Variants in NRXN1 observed in about 807,000 individuals in gnomAD.
NRXN1 encodes the protein neurexin-1.
Under a neutral mutation model 150.9 loss-of-function variants are expected in NRXN1, and 39 were observed. That is an observed-to-expected ratio of 0.26 (90% CI 0.20 to 0.34). NRXN1 has a LOEUF of 0.34. Ranked by LOEUF, NRXN1 falls within the 10% of genes least tolerant of loss-of-function variation. NRXN1 has a pLI of 1.00. For synonymous variants in NRXN1, 924 were observed against 757.0 expected (o/e 1.22, Z -3.62); for missense variants, 1,815 against 1,949.9 (o/e 0.93, Z 1.30).
chr2:50,086,610 CT>C (rs1558847663), intron 19 of NRXN1, among the ~76,000 whole-genome samples: 2 of 152,144 alleles, frequency 1.3e-5, no homozygotes, highest in African/African-American at 4.8e-5. Flanking sequence ...TACATTTTAT[CT>C]GACATGTTCA....
chr2:50,757,197 T>A (rs1427433155), intron 5 of NRXN1, among the ~76,000 whole-genome samples: 1 of 151,794 alleles, frequency 6.6e-6, no homozygotes, highest in Non-Finnish European at 1.5e-5. Context: ...AATTATAGAA[T>A]CTTCAGTCCA....
chr2:49,962,824 G>A (rs1246258645), intron 21 of NRXN1, among the ~76,000 whole-genome samples: 1 of 152,020 alleles, frequency 6.6e-6, no homozygotes. Flanking sequence ...GTGGTGGCAT[G>A]CACCTGTAGT....
At chr2:50,841,834 T>C (rs766356889) in intron 5 of NRXN1, among the ~76,000 whole-genome samples, 36 of 152,204 alleles carry the variant, frequency 2.4e-4, no homozygotes, top group African/African-American at 7.2e-4. Flanking sequence ...TACATAACTA[T>C]TTACTAGCCC....
chr2:50,818,113 G>T (rs1574582580), intron 5 of NRXN1, among the ~76,000 whole-genome samples: 1 of 44,580 alleles, frequency 2.2e-5, no homozygotes, highest in Non-Finnish European at 4.2e-5. Context: ...AGACTCCATA[G>T]CAAAAAAAAA....
chr2:50,176,380 G>A (rs184199302), intron 18 of NRXN1, among the ~76,000 whole-genome samples: 1 of 152,156 alleles, frequency 6.6e-6, no homozygotes, highest in African/African-American at 2.4e-5. Flanking sequence ...CTTTGCTATT[G>A]ACATTTTAGG....
At chr2:50,568,286 G>T (rs955320170) in intron 8 of NRXN1, among the ~76,000 whole-genome samples, 3 of 151,998 alleles carry the variant, frequency 2.0e-5, no homozygotes, top group African/African-American at 7.2e-5. Context: ...AGCAAAAATG[G>T]ACAAATGGGA....
chr2:51,004,244 C>A (rs1700426384), intron 2 of NRXN1, among the ~76,000 whole-genome samples: 3 of 151,876 alleles, frequency 2.0e-5, no homozygotes, highest in African/African-American at 4.8e-5. Flanking sequence ...CAAAGGGCAA[C>A]CTGAATAAAC....
At chr2:50,302,590 T>C (rs1232471890) in intron 17 of NRXN1, among the ~76,000 whole-genome samples, 1 of 152,176 alleles carries the variant, frequency 6.6e-6, no homozygotes, top group Non-Finnish European at 1.5e-5. Context: ...TTTCGATTTA[T>C]ACACTGGGAA....
At chr2:51,025,505 A>T (rs934793489) in intron 2 of NRXN1, among the ~76,000 whole-genome samples, 1 of 152,194 alleles carries the variant, frequency 6.6e-6, no homozygotes, top group Non-Finnish European at 1.5e-5. Context: ...CCTCCCACAC[A>T]GTACAAGCTG....
At chr2:50,755,123 G>A (rs750485668) in intron 5 of NRXN1, among the ~76,000 whole-genome samples, 20 of 151,598 alleles carry the variant, frequency 1.3e-4, no homozygotes, top group Admixed American at 4.6e-4. Flanking sequence ...CTGGCTCCCC[G>A]CCAGAGCCTT....
At chr2:50,177,003 C>A (rs1559034403) in intron 18 of NRXN1, among the ~76,000 whole-genome samples, 1 of 152,130 alleles carries the variant, frequency 6.6e-6, no homozygotes, top group Admixed American at 6.6e-5. Context: ...AGAAGACATA[C>A]ATTATCATTT....
chr2:50,484,114 C>A (rs1157178796), intron 15 of NRXN1, among the ~76,000 whole-genome samples: 2 of 152,080 alleles, frequency 1.3e-5, no homozygotes, highest in Admixed American at 6.5e-5. Flanking sequence ...AAGGTTATAG[C>A]CACCAGTGGT....
chr2:50,040,200 G>A (rs1690717759), intron 21 of NRXN1, among the ~76,000 whole-genome samples: 1 of 151,962 alleles, frequency 6.6e-6, no homozygotes, highest in Admixed American at 6.6e-5. Context: ...TAGAGGAATG[G>A]GGAGGAGCAT....
chr2:50,533,675 A>G (rs985008760), intron 10 of NRXN1, among the ~76,000 whole-genome samples: 3 of 152,080 alleles, frequency 2.0e-5, no homozygotes, highest in African/African-American at 2.4e-5. Flanking sequence ...GATCAGTGTG[A>G]CCCTGGCCCC....
intron 18 of NRXN1, among the ~76,000 whole-genome samples, chr2:50,119,657 C>T (rs760309726): frequency 3.3e-5 from 5 of 151,862 alleles, no homozygotes; most frequent in African/African-American, 4.8e-5. Context: ...GTAATCCTAG[C>T]TTAAGAGATT....
chr2:49,999,783 T>C (rs1400239901), intron 21 of NRXN1, among the ~76,000 whole-genome samples: 2 of 152,178 alleles, frequency 1.3e-5, no homozygotes, highest in Non-Finnish European at 2.9e-5. Flanking sequence ...ATCATCTTCA[T>C]ATTCTTTAAT....
chr2:50,832,587 G>A (rs1671563162), intron 5 of NRXN1, among the ~76,000 whole-genome samples: 1 of 152,184 alleles, frequency 6.6e-6, no homozygotes. Context: ...CCAGTAGGCA[G>A]AGGTTGCAGT....
At chr2:50,627,164 G>A (rs1049574886) in intron 5 of NRXN1, among the ~76,000 whole-genome samples, 1 of 151,830 alleles carries the variant, frequency 6.6e-6, no homozygotes, top group African/African-American at 2.4e-5. Context: ...TTGACCAACT[G>A]TAATAAGTTT....
At chr2:50,411,042 C>T (rs992045616) in intron 17 of NRXN1, among the ~76,000 whole-genome samples, 1 of 151,896 alleles carries the variant, frequency 6.6e-6, no homozygotes, top group Non-Finnish European at 1.5e-5. Context: ...CTCTCCCTCT[C>T]CCCCTCCCCG....
Sources: gnomAD v4.1 joint callset for allele counts (sites outside exome capture counted in the v4.1 genomes callset) on GRCh38, gnomAD v4.1.1 for gene constraint, MANE v1.5 for transcripts, NCBI Gene and HGNC (gene_info 2026-07-23, HGNC 2026-07-21) for gene names.